CTNNA3: variants seen among roughly 807,000 people sequenced by gnomAD.
CTNNA3 encodes catenin alpha 3.
In CTNNA3, 76 loss-of-function variants were observed where a neutral mutation model predicts 95.7. The observed-to-expected ratio is 0.79, with a 90% CI of 0.66 to 0.96. The LOEUF (loss-of-function observed/expected upper bound fraction) is 0.96. Among genes scored for constraint, CTNNA3 ranks in the 40% least tolerant of loss-of-function variants. The pLI is 0.00. For missense variants in CTNNA3, 1,191 were observed against 1,089.8 expected, an observed-to-expected ratio of 1.09 and a Z score of -1.31; for synonymous variants, 431 against 374.4, an observed-to-expected ratio of 1.15 and a Z score of -1.74.
intron 13 of CTNNA3, among the ~76,000 whole-genome samples, chr10:66,262,665 A>G (rs1275558463): frequency 6.6e-6 from 1 of 152,054 alleles, no homozygotes; most frequent in Non-Finnish European, 1.5e-5. Context: ...TACATACAAA[A>G]TTATTGAGAA....
At chr10:66,203,750 C>T (rs2087582344) in intron 13 of CTNNA3, among the ~76,000 whole-genome samples, 1 of 151,994 alleles carries the variant, frequency 6.6e-6, no homozygotes, top group Non-Finnish European at 1.5e-5. Context: ...AAGCAAAATA[C>T]TTTTATTATG....
intron 5 of CTNNA3, among the ~76,000 whole-genome samples, chr10:67,368,938 A>C (rs764357351): frequency 5.3e-5 from 8 of 152,158 alleles, no homozygotes; most frequent in Admixed American, 1.3e-4. Flanking sequence ...TACATTTACT[A>C]TCTTGACTAT....
intron 9 of CTNNA3, among the ~76,000 whole-genome samples, chr10:66,687,030 C>T (rs6480202): frequency 0.55 from 84,220 of 151,836 alleles, 24,083 homozygotes; most frequent in African/African-American, 0.68. Context: ...ATCTTTGATA[C>T]AAATGACATA....
At chr10:66,401,678 A>C (rs1247964209) in intron 11 of CTNNA3, among the ~76,000 whole-genome samples, 1 of 70,470 alleles carries the variant, frequency 1.4e-5, no homozygotes, top group Non-Finnish European at 2.6e-5. Context: ...TTTTTTTTTG[A>C]GATGGAGTCT....
intron 15 of CTNNA3, among the ~76,000 whole-genome samples, chr10:66,035,295 T>C (rs1375697467): frequency 6.6e-6 from 1 of 152,146 alleles, no homozygotes; most frequent in African/African-American, 2.4e-5. Flanking sequence ...AATAGTAGTA[T>C]ACAGACATGG....
intron 12 of CTNNA3, among the ~76,000 whole-genome samples, chr10:66,360,796 C>T (rs375472486): frequency 0.056 from 3,479 of 62,344 alleles, 358 homozygotes; most frequent in Non-Finnish European, 0.076. Context: ...TTCCTTCCTT[C>T]CTTCCTTCCT....
At chr10:67,510,850 T>A (rs1257973858) in intron 5 of CTNNA3, among the ~76,000 whole-genome samples, 1 of 152,220 alleles carries the variant, frequency 6.6e-6, no homozygotes, top group African/African-American at 2.4e-5. Context: ...TCCATTTGTT[T>A]GTGTCCTCTT....
chr10:67,370,793 G>GA (rs960829278), intron 5 of CTNNA3, among the ~76,000 whole-genome samples: 46 of 150,978 alleles, frequency 3.0e-4, no homozygotes, highest in African/African-American at 1.0e-3. Context: ...CTATTTCAGA[G>GA]AAAAAACAGA....
At chr10:66,310,174 A>G (rs747455112) in intron 12 of CTNNA3, among the ~76,000 whole-genome samples, 3 of 151,732 alleles carry the variant, frequency 2.0e-5, no homozygotes, top group Non-Finnish European at 2.9e-5. Context: ...TTTTTAGAAT[A>G]ATTTTTACAT....
intron 3 of CTNNA3, among the ~76,000 whole-genome samples, chr10:67,598,995 C>T (rs544871628): frequency 6.6e-6 from 1 of 152,074 alleles, no homozygotes; most frequent in African/African-American, 2.4e-5. Context: ...CAATTGCTGC[C>T]CATTTCATTT....
intron 5 of CTNNA3, among the ~76,000 whole-genome samples, chr10:67,463,398 G>C (rs541476392): frequency 3.3e-4 from 50 of 152,158 alleles, no homozygotes; most frequent in Non-Finnish European, 4.4e-4. Context: ...TTGATGTCTA[G>C]ACCCTACACC....
chr10:66,985,690 T>C (rs1468447739), intron 7 of CTNNA3, among the ~76,000 whole-genome samples: 3 of 152,080 alleles, frequency 2.0e-5, no homozygotes, highest in African/African-American at 7.2e-5. Flanking sequence ...CCATTGCCCC[T>C]AGTCACTTCC....
intron 1 of CTNNA3, among the ~76,000 whole-genome samples, chr10:67,716,935 C>T (rs923092504): frequency 6.6e-6 from 1 of 152,176 alleles, no homozygotes; most frequent in Non-Finnish European, 1.5e-5. Flanking sequence ...TACACTCCCA[C>T]CAACAGTGTA....
At chr10:67,355,868 G>A (rs147945455) in intron 5 of CTNNA3, among the ~76,000 whole-genome samples, 40 of 152,012 alleles carry the variant, frequency 2.6e-4, no homozygotes, top group African/African-American at 9.6e-4. Flanking sequence ...TCATAGTGAA[G>A]AGGGAATCCC....
chr10:66,229,227 ATTGT>A (rs2089467847), intron 13 of CTNNA3, among the ~76,000 whole-genome samples: 1 of 152,044 alleles, frequency 6.6e-6, no homozygotes, highest in South Asian at 2.1e-4. Context: ...TCTGCCTCTT[ATTGT>A]TTAACATTGC....
chr10:66,618,327 T>A (rs1844604149), intron 10 of CTNNA3, among the ~76,000 whole-genome samples: 1 of 151,968 alleles, frequency 6.6e-6, no homozygotes, highest in East Asian at 1.9e-4. Context: ...AAGGCTACAG[T>A]AACCAAAACA....
intron 7 of CTNNA3, among the ~76,000 whole-genome samples, chr10:67,087,322 A>G (rs563970393): frequency 6.6e-6 from 1 of 152,150 alleles, no homozygotes; most frequent in South Asian, 2.1e-4. Context: ...GGAGATCATG[A>G]GCAGTGCTTC....
At chr10:67,389,810 C>T (rs573050667) in intron 5 of CTNNA3, among the ~76,000 whole-genome samples, 1 of 152,204 alleles carries the variant, frequency 6.6e-6, no homozygotes, top group African/African-American at 2.4e-5. Flanking sequence ...TGAATGACTA[C>T]TGGGTACATA....
At chr10:66,254,035 G>A (rs1273009065) in intron 13 of CTNNA3, among the ~76,000 whole-genome samples, 1 of 152,178 alleles carries the variant, frequency 6.6e-6, no homozygotes, top group Non-Finnish European at 1.5e-5. Flanking sequence ...GGAAGAGGAT[G>A]TGGAGCCTCA....
Sources: allele counts gnomAD v4.1 joint callset (sites outside exome capture counted in the v4.1 genomes callset), GRCh38; gene constraint gnomAD v4.1.1; transcripts MANE v1.5; gene names NCBI Gene and HGNC (gene_info 2026-07-23, HGNC 2026-07-21).